The following GCH1 variants were observed in gnomAD, a reference collection of about 807,000 sequenced individuals.
The protein encoded by GCH1 is GTP cyclohydrolase I.
In GCH1, 5 loss-of-function variants were observed where a neutral mutation model predicts 25.9. The observed-to-expected ratio is 0.19, with a 90% CI of 0.10 to 0.41. The LOEUF is 0.41. Ranked by LOEUF, GCH1 falls within the 10% of genes least tolerant of loss-of-function variation. The pLI, the probability that GCH1 is intolerant of heterozygous loss-of-function variation, is 1.00. For synonymous variants in GCH1, 159 were observed against 129.6 expected (o/e 1.23, Z -1.54); for missense variants, 261 against 336.5 (o/e 0.78, Z 1.75).
chr14:54,851,163 A>T (rs2039724426), intron 3 of GCH1, among the ~76,000 whole-genome samples: 1 of 152,240 alleles, frequency 6.6e-6, no homozygotes, highest in Non-Finnish European at 1.5e-5. Context: ...AAAACTGCCT[A>T]GCCATATGTA....
intron 1 of GCH1, among the ~76,000 whole-genome samples, chr14:54,875,185 C>T (rs140884539): frequency 0.21 from 32,646 of 151,994 alleles, 4,890 homozygotes; most frequent in East Asian, 0.41. Flanking sequence ...TACAACCATC[C>T]GATCTTTGAC....
intron 1 of GCH1, among the ~76,000 whole-genome samples, chr14:54,876,261 A>T (rs189452842): frequency 5.3e-5 from 8 of 152,280 alleles, no homozygotes; most frequent in Admixed American, 4.6e-4. Flanking sequence ...AAAGCACCGC[A>T]TGTTCTCACT....
In GCH1 at chr14:54,902,727, C is replaced by T. The variant is rs1042444765; in HGVS notation, c.-64G>A. The T allele has an allele frequency of 2.2e-6, 3 of 1,393,088 alleles. No individual in the cohort carries two copies. The Admixed American group carries it at 9.7e-5, about 45-fold the overall frequency. The allele number at this position is 1,393,088 out of a possible 1,614,324, so 86.3% of individuals were successfully genotyped here. Reference sequence around the variant, plus strand: ...GGGCGCTTCGAGGTCTGCGGCTAAACTCCGCCGGTGGCCGCGGACAATGGG... The same window carrying T: ...GGGCGCTTCGAGGTCTGCGGCTAAATTCCGCCGGTGGCCGCGGACAATGGG... On this transcript the variant is annotated 5_prime_UTR_variant, in exon 1 of 6. Transcript: ENST00000491895.
intron 3 of GCH1, among the ~76,000 whole-genome samples, chr14:54,859,023 G>A (rs1225429548): frequency 3.3e-5 from 5 of 152,226 alleles, no homozygotes; most frequent in African/African-American, 9.6e-5. Flanking sequence ...AGCGAGGAGC[G>A]TGAACACTGT....
intron 1 of GCH1, among the ~76,000 whole-genome samples, chr14:54,883,416 A>C (rs2140103490): frequency 7.0e-6 from 1 of 142,514 alleles, no homozygotes; most frequent in Non-Finnish European, 1.5e-5. Context: ...GCGGTGGCTC[A>C]CGCCTGTAAT....
At chr14:54,864,397 T>A (rs1027261020) in intron 2 of GCH1, among the ~76,000 whole-genome samples, 1 of 152,142 alleles carries the variant, frequency 6.6e-6, no homozygotes, top group Non-Finnish European at 1.5e-5. Flanking sequence ...AATAAAATTA[T>A]GATGGGGGTA....
chr14:54,855,226 C>T (rs2039790491), intron 3 of GCH1, among the ~76,000 whole-genome samples: 1 of 152,002 alleles, frequency 6.6e-6, no homozygotes. Flanking sequence ...CTGGCCAGGG[C>T]CAGGCGCGGT....
intron 3 of GCH1, 122 bp from the exon 4 acceptor site, chr14:54,847,252 A>T: frequency 1.9e-6 from 1 of 527,314 alleles, no homozygotes; most frequent in South Asian, 2.0e-5. Flanking sequence ...AATAAAGCTT[A>T]TGGCAAGATG....
At chr14:54,883,486 T>C (rs2040302772) in intron 1 of GCH1, among the ~76,000 whole-genome samples, 1 of 150,898 alleles carries the variant, frequency 6.6e-6, no homozygotes, top group African/African-American at 2.4e-5. Flanking sequence ...GTGACCATCC[T>C]GGCTAAGACG....
At position 54,902,683 on chromosome 14, in the gene GCH1, C is replaced by A. The variant is rs1233792869; in HGVS notation, c.-20G>T. 1 of 1,436,760 alleles carries A rather than the reference C, an allele frequency of 7.0e-7. No homozygotes were observed. Among genetic ancestry groups the A allele is most frequent in the African/African-American group, 1.5e-5 (1 of 66,874 alleles). The allele number at this position is 1,436,760 out of a possible 1,614,324, so 89.0% of individuals were successfully genotyped here. A position where few individuals can be genotyped will look rare whatever the true frequency, so the allele number is the denominator to read the frequency against. The stretch of plus-strand genomic sequence containing the variant: ...CTCCATGGACCCGCCGCAGCCGCTG[C>A]CGTTCGGGAAGGACCCCGGGGCGCT... On this transcript the variant is annotated 5_prime_UTR_variant, in exon 1 of 6. Coordinates refer to ENST00000491895, the MANE Select transcript of GCH1 (RefSeq NM_000161.3).
intron 3 of GCH1, among the ~76,000 whole-genome samples, 171 bp downstream of exon 3, chr14:54,859,510 C>T (rs1287150855): frequency 1.3e-5 from 2 of 152,072 alleles, no homozygotes; most frequent in Middle Eastern, 3.2e-3. Context: ...CAGTAGGGGA[C>T]GAGAAGGAAG....
chr14:54,896,106 T>C (rs1295052628), intron 1 of GCH1, among the ~76,000 whole-genome samples: 1 of 152,144 alleles, frequency 6.6e-6, no homozygotes. Context: ...TATTTTAAAT[T>C]TTACAACACT....
At chr14:54,884,318 G>A (rs2040315447) in intron 1 of GCH1, among the ~76,000 whole-genome samples, 1 of 152,130 alleles carries the variant, frequency 6.6e-6, no homozygotes, top group African/African-American at 2.4e-5. Flanking sequence ...TGGAGGGAGG[G>A]TTTCCTAGAA....
At chr14:54,846,385 C>T (rs1431284172) in intron 4 of GCH1, among the ~76,000 whole-genome samples, 8 of 151,988 alleles carry the variant, frequency 5.3e-5, no homozygotes, top group African/African-American at 1.9e-4. Context: ...CTGATGAAAC[C>T]CCCCAGTATC....
intron 1 of GCH1, among the ~76,000 whole-genome samples, chr14:54,877,691 C>T (rs928460547): frequency 7.2e-5 from 11 of 152,050 alleles, no homozygotes; most frequent in Middle Eastern, 3.4e-3. Context: ...GATGGGGTTT[C>T]GTCATGTTGC....
intron 1 of GCH1, among the ~76,000 whole-genome samples, chr14:54,895,175 A>G (rs887814179): frequency 6.6e-6 from 1 of 152,210 alleles, no homozygotes; most frequent in African/African-American, 2.4e-5. Context: ...GCCTCCCATT[A>G]TCTTTAGCGA....
chr14:54,847,051 GA>G (rs750750346), intron 4 of GCH1, 47 bp downstream of exon 4: 51 of 757,020 alleles, frequency 6.7e-5, no homozygotes, highest in Non-Finnish European at 1.1e-4. Flanking sequence ...TTTAAAAAAA[GA>G]AAAAAAAGAA....
chr14:54,889,894 G>GA (rs1174405070), intron 1 of GCH1, among the ~76,000 whole-genome samples: 3 of 151,870 alleles, frequency 2.0e-5, no homozygotes, highest in African/African-American at 4.8e-5. Flanking sequence ...TGGAAGATAA[G>GA]AAAAAAATGC....
Position 54,902,338 on chromosome 14 carries a change from T to C in GCH1, c.326A>G (p.Tyr109Cys). ...GCACTGACCTGAGATGGTCTCCTGGTAGCCCTTGGTGAAGAACTGCATGGC... is the reference window on the plus strand; with the variant it reads ...GCACTGACCTGAGATGGTCTCCTGGCAGCCCTTGGTGAAGAACTGCATGGC... ...ASAMQFFTKGYQETISDVLND... is the reference protein window; with the variant it reads ...ASAMQFFTKGCQETISDVLND... Residue 109 changes from tyrosine (Y) to cysteine (C), a missense_variant, in exon 1 of 6, where the codon TAC (tyrosine) becomes TGC (cysteine). Transcript: ENST00000491895. 6.2e-7 allele frequency: 1 copy of C among 1,612,608 alleles called. No homozygotes were observed. Among genetic ancestry groups the C allele is most frequent in the South Asian group, 1.1e-5 (1 of 91,058 alleles).
Sources: gnomAD v4.1 joint callset for allele counts (sites outside exome capture counted in the v4.1 genomes callset) on GRCh38, gnomAD v4.1.1 for gene constraint, MANE v1.5 for transcripts, NCBI Gene and HGNC (gene_info 2026-07-23, HGNC 2026-07-21) for gene names.